The following PSG3 variants were observed in gnomAD, a reference collection of about 807,000 sequenced individuals.
PSG3 encodes pregnancy specific beta-1-glycoprotein 3, also known as pregnancy-specific beta-1-glycoprotein 3.
A neutral mutation model predicts 47.5 loss-of-function variants in PSG3; 61 were observed. That is an observed-to-expected ratio of 1.28 (90% CI 1.05 to 1.59). PSG3 has a LOEUF of 1.59. Among genes scored for constraint, PSG3 ranks in the 40% most tolerant of loss-of-function variants. The pLI, the probability that PSG3 is intolerant of heterozygous loss-of-function variation, is 0.00. For synonymous variants in PSG3, 263 were observed against 198.4 expected, an observed-to-expected ratio of 1.33 and a Z score of -2.74; for missense variants, 756 against 524.0, an observed-to-expected ratio of 1.44 and a Z score of -4.32.
At chr19:42,739,243 G>T in intron 1 of PSG3, 154 bp from the exon 2 acceptor site, 1 of 1,272,166 alleles carries the variant, frequency 7.9e-7, no homozygotes, top group Non-Finnish European at 1.1e-6. Flanking sequence ...AAAGGGGCAT[G>T]TGTATATGTG....
At chr19:42,734,784 C>T (rs928799912) in intron 2 of PSG3, among the ~76,000 whole-genome samples, 10 of 152,270 alleles carry the variant, frequency 6.6e-5, no homozygotes, top group Admixed American at 2.0e-4. Flanking sequence ...GGATGCCAAA[C>T]TAAAAGAAGT....
chr19:42,739,763 T>C (rs913939164), intron 1 of PSG3, among the ~76,000 whole-genome samples: 2 of 152,178 alleles, frequency 1.3e-5, no homozygotes, highest in Admixed American at 6.5e-5. Flanking sequence ...CTGATATAGT[T>C]ATTATTATCA....
intron 5 of PSG3, among the ~76,000 whole-genome samples, chr19:42,727,120 G>T (rs549053766): frequency 3.9e-5 from 6 of 152,256 alleles, no homozygotes; most frequent in African/African-American, 7.2e-5. Context: ...TGTACAAAAA[G>T]TAACCCACAA....
chr19:42,734,613 G>C (rs1360862668), intron 2 of PSG3, among the ~76,000 whole-genome samples: 1 of 152,142 alleles, frequency 6.6e-6, no homozygotes, highest in Non-Finnish European at 1.5e-5. Context: ...TATTTCTCTT[G>C]AGACCAAAAT....
intron 3 of PSG3, among the ~76,000 whole-genome samples, chr19:42,731,382 A>C (rs1034509503): frequency 6.6e-6 from 1 of 152,216 alleles, no homozygotes; most frequent in Non-Finnish European, 1.5e-5. Context: ...AGTAGGCAAA[A>C]GTGGGAGGTG....
chr19:42,724,158 T>C (rs1047919391), intron 5 of PSG3, 133 bp from the exon 6 acceptor site: 1 of 1,402,262 alleles, frequency 7.1e-7, no homozygotes, highest in Non-Finnish European at 9.6e-7. Flanking sequence ...TGTTGGAAAA[T>C]TGATAGGAGA....
chr19:42,726,313 A>T (rs1400599229), intron 5 of PSG3, among the ~76,000 whole-genome samples: 5 of 151,166 alleles, frequency 3.3e-5, no homozygotes, highest in South Asian at 2.1e-4. Context: ...GCAAGAATTT[A>T]AAAAAAGACG....
Position 42,740,430 on chromosome 19 carries a change from A to G in PSG3, c.-46T>C. On this transcript the variant is annotated 5_prime_UTR_variant, in exon 1 of 7. Transcript: ENST00000327495. ...TCTCCTCTGTGGAGCTGAGCCTAGG[A>G]TCCAGAAACTTCCTGAGCATGGCTC... 1.9e-6 allele frequency: 3 copies of G among 1,613,678 alleles called. No individual in the cohort carries two copies. The South Asian group carries it at 3.3e-5, about 18-fold the overall frequency.
Position 42,733,102 on chromosome 19 carries a change from C to T in PSG3, c.431-40G>A, listed in dbSNP as rs200499843. On this transcript the variant is annotated intron_variant, in intron 2 of 6. Coordinates refer to ENST00000327495, the MANE Select transcript of PSG3 (RefSeq NM_021016.4). ...GAGAGAAGATTGCCCTGTGTGGCACCTTTGATTCCTCCAAAGGCATTTTTC... is the reference window on the plus strand; with the variant it reads ...GAGAGAAGATTGCCCTGTGTGGCACTTTTGATTCCTCCAAAGGCATTTTTC... The T allele has an allele frequency of 4.5e-3, 7,180 of 1,592,242 alleles. 234 individuals carry two copies. In the African/African-American group the frequency reaches 0.08, roughly 18 times the overall value.
intron 6 of PSG3, among the ~76,000 whole-genome samples, chr19:42,722,428 G>A (rs1279667345): frequency 6.6e-6 from 1 of 152,062 alleles, no homozygotes; most frequent in Non-Finnish European, 1.5e-5. Context: ...TTTTGTTTTT[G>A]CATTTTTAGT....
chr19:42,738,753 T>A lies in PSG3; in HGVS notation c.401A>T (p.Glu134Val), dbSNP rs1173972017. 1.4e-5 allele frequency: 22 copies of A among 1,613,802 alleles called. 1 individual carries two copies. In the African/African-American group the frequency reaches 1.9e-4, roughly 14 times the overall value. Reference protein sequence around the residue: ...IVKRGDGTRGETGHFTFTLYL... With the variant: ...IVKRGDGTRGVTGHFTFTLYL... Reference sequence around the variant, plus strand: ...TAAGGTGAAGGTGAAATGTCCAGTTTCTCCTCTAGTCCCATCACCTCGCTT... The same window carrying A: ...TAAGGTGAAGGTGAAATGTCCAGTTACTCCTCTAGTCCCATCACCTCGCTT... The change falls in exon 2 of 7, where the codon GAA becomes GTA. Residue 134 changes from glutamate to valine, a missense_variant. By Grantham distance (121) the Glu-to-Val change is moderately radical. Coordinates refer to ENST00000327495, the MANE Select transcript of PSG3 (RefSeq NM_021016.4).
chr19:42,728,276 A>G (rs141872160), intron 5 of PSG3, among the ~76,000 whole-genome samples: 4,255 of 152,176 alleles, frequency 0.028, 77 homozygotes, highest in Non-Finnish European at 0.035. Flanking sequence ...TAAAGTGTCC[A>G]GTAGTCTTAC....
intron 5 of PSG3, 108 bp downstream of exon 5, chr19:42,729,015 T>C: frequency 1.3e-6 from 2 of 1,593,226 alleles, no homozygotes; most frequent in South Asian, 2.3e-5. Flanking sequence ...GATTTGCTTG[T>C]GCCCATGGGA....
chr19:42,731,717 A>G (rs898665413), intron 3 of PSG3, among the ~76,000 whole-genome samples: 1 of 151,626 alleles, frequency 6.6e-6, no homozygotes, highest in Non-Finnish European at 1.5e-5. Flanking sequence ...CTTTGGGAAT[A>G]TTATCTTTCT....
In PSG3 at chr19:42,739,024, T is replaced by C. The variant is rs1555821464; in HGVS notation, c.130A>G (p.Lys44Glu). Residue 44 changes from lysine to glutamate, a missense_variant, in exon 2 of 7, where the codon AAA becomes GAA. Physicochemically the swap from Lys to Glu is moderately conservative, Grantham distance 56. Transcript: ENST00000327495. ...AQVTIEAEPT[K>E]VSKGKDVLLL... Reference sequence around the variant, plus strand: ...AGAACGTCCTTCCCCTTGGAAACTTTGGTTGGCTCGGCTTCAATCGTGACT... The same window carrying C: ...AGAACGTCCTTCCCCTTGGAAACTTCGGTTGGCTCGGCTTCAATCGTGACT... The C allele has an allele frequency of 2.5e-6, 4 of 1,613,904 alleles. No homozygotes were observed. The highest frequency in any genetic ancestry group is 1.3e-5 in the African/African-American group (1 of 74,978).
chr19:42,728,603 G>A (rs1969413073), intron 5 of PSG3, among the ~76,000 whole-genome samples: 1 of 152,218 alleles, frequency 6.6e-6, no homozygotes, highest in African/African-American at 2.4e-5. Context: ...TCCCACCCAG[G>A]TGGAGTCAGG....
At position 42,732,978 on chromosome 19, in the gene PSG3, T is replaced by G; in HGVS notation, c.515A>C (p.Glu172Ala). ...CCACAGGTAGCTTGCGTCCGGAGTC[T>G]CAGGATCACAGGTTAAGCTCACAGC... ...MEAVSLTCDP[E>A]TPDASYLWWM... Residue 172 changes from glutamate (E) to alanine (A), a missense_variant, in exon 3 of 7, where the codon GAG becomes GCG. Transcript: ENST00000327495. 6.2e-7 allele frequency: 1 copy of G among 1,614,130 alleles called. No individual in the cohort carries two copies. Among genetic ancestry groups the G allele is most frequent in the Non-Finnish European group, 8.5e-7 (1 of 1,179,996 alleles).
At chr19:42,739,724 C>T (rs1273015028) in intron 1 of PSG3, among the ~76,000 whole-genome samples, 1 of 152,046 alleles carries the variant, frequency 6.6e-6, no homozygotes, top group Non-Finnish European at 1.5e-5. Flanking sequence ...TGTTTCATGC[C>T]CTGCTTATAT....
intron 2 of PSG3, 139 bp from the exon 3 acceptor site, chr19:42,733,201 A>C: frequency 1.4e-6 from 2 of 1,479,188 alleles, no homozygotes; most frequent in Non-Finnish European, 1.8e-6. Context: ...GTGTGTTACA[A>C]GACAGATGCA....
Sources: gnomAD v4.1 joint callset for allele counts (sites outside exome capture counted in the v4.1 genomes callset) on GRCh38, gnomAD v4.1.1 for gene constraint, MANE v1.5 for transcripts, NCBI Gene and HGNC (gene_info 2026-07-23, HGNC 2026-07-21) for gene names.